The following KICS2 variants were observed in gnomAD, a reference collection of about 807,000 sequenced individuals.
The protein encoded by KICS2 is KICSTOR subunit 2.
A neutral mutation model predicts 31.4 loss-of-function variants in KICS2; 13 were observed. The observed-to-expected ratio is 0.41, with a 90% CI of 0.27 to 0.66. The LOEUF is 0.66. KICS2 is among the 30% of genes least tolerant of loss of function. The pLI is 0.28. For missense variants in KICS2, 455 were observed against 545.4 expected, an observed-to-expected ratio of 0.83 and a Z score of 1.65; for synonymous variants, 209 against 214.8, an observed-to-expected ratio of 0.97 and a Z score of 0.24.
At chr12:64,218,615 G>C (rs1288599949) in intron 1 of KICS2, among the ~76,000 whole-genome samples, 3 of 151,466 alleles carry the variant, frequency 2.0e-5, no homozygotes, top group African/African-American at 4.9e-5. Context: ...AAAAAGAATA[G>C]CTATCTAGTA....
At position 64,194,345 on chromosome 12, in the gene KICS2, G is replaced by A. The variant is rs1234469766; in HGVS notation, c.835C>T (p.Arg279Ter). The change falls in exon 3 of 3, where the codon CGA (arginine) becomes TGA (stop). Residue 279 changes from arginine to a stop codon, truncating the protein, a stop_gained. Transcript: ENST00000398055. LOFTEE classifies it high-confidence loss of function. ...FSFYFHEALS[R>*]QTTASEMKTL... ...TTCATTTCTGAAGCAGTCGTTTGTCGGCTCAGAGCCTCATGAAAGTAAAAG... is the reference window on the plus strand; with the variant it reads ...TTCATTTCTGAAGCAGTCGTTTGTCAGCTCAGAGCCTCATGAAAGTAAAAG... The A allele has an allele frequency of 4.3e-6, 7 of 1,614,156 alleles. No individual in the cohort carries two copies. Among genetic ancestry groups the A allele is most frequent in the East Asian group, 2.2e-5 (1 of 44,888 alleles).
chr12:64,188,871 A>G (rs11175274), downstream of KICS2, among the ~76,000 whole-genome samples: 25,877 of 151,856 alleles, frequency 0.17, 2,413 homozygotes, highest in Non-Finnish European at 0.21. Context: ...TAAATAAATA[A>G]AGGCCAGGCA....
At chr12:64,205,775 G>GAGAA (rs2037533526) in intron 2 of KICS2, among the ~76,000 whole-genome samples, 1 of 39,542 alleles carries the variant, frequency 2.5e-5, no homozygotes. Context: ...GAAGGAAAAA[G>GAGAA]GGAAGGAAGG....
intron 1 of KICS2, among the ~76,000 whole-genome samples, chr12:64,216,180 T>TATGATAATCATAAATACTTA (rs2037628240): frequency 6.6e-6 from 1 of 152,130 alleles, no homozygotes; most frequent in African/African-American, 2.4e-5. Flanking sequence ...ATAAATACTT[T>TATGATAATCATAAATACTTA]GATTCATAAT....
intron 2 of KICS2, among the ~76,000 whole-genome samples, chr12:64,197,664 TA>T (rs2037453543): frequency 6.7e-6 from 1 of 150,038 alleles, no homozygotes; most frequent in Non-Finnish European, 1.5e-5. Context: ...GCAAATTGGA[TA>T]AAGAGTCAAG....
chr12:64,189,108 G>A (rs762282518), downstream of KICS2, among the ~76,000 whole-genome samples: 6 of 152,126 alleles, frequency 3.9e-5, no homozygotes, highest in Non-Finnish European at 7.3e-5. Flanking sequence ...AGCCGAGATC[G>A]TGCCATTGCA....
At chr12:64,205,034 A>C (rs1469314143) in intron 2 of KICS2, 1 of 152,210 alleles carries the variant, frequency 6.6e-6, no homozygotes, top group Non-Finnish European at 1.5e-5. Context: ...ATTAAATATC[A>C]CAATCTTCTA....
At chr12:64,189,096 T>C (rs1288134339), downstream of KICS2, among the ~76,000 whole-genome samples, 10 of 152,106 alleles carry the variant, frequency 6.6e-5, no homozygotes, top group Admixed American at 6.5e-4. Flanking sequence ...GAGGTTGTGG[T>C]GAGCCGAGAT....
intron 1 of KICS2, among the ~76,000 whole-genome samples, 183 bp from the exon 2 acceptor site, chr12:64,216,146 T>TATCAAAAATACTTTATGATA (rs2037627249): frequency 2.8e-5 from 4 of 145,078 alleles, no homozygotes; most frequent in Admixed American, 2.0e-4. Context: ...ACTTTATGAT[T>TATCAAAAATACTTTATGATA]ATCATAAATA....
At position 64,222,259 on chromosome 12, in the gene KICS2, C is replaced by T; in HGVS notation, c.-22G>A. 2 of 1,611,206 alleles carry T rather than the reference C, an allele frequency of 1.2e-6. No individual in the cohort carries two copies. The highest frequency in any genetic ancestry group is 3.4e-5 in the Admixed American group (2 of 59,654). On this transcript the variant is annotated 5_prime_UTR_variant, in exon 1 of 3. Coordinates refer to ENST00000398055, the MANE Select transcript of KICS2 (RefSeq NM_152440.5). ...CCATGCGAGCTGCGCCCCAGCTCGA[C>T]CCACGTGGCTCTCCTCGGCCTCGCA... is the stretch of plus-strand genomic sequence containing the variant.
At position 64,215,698 on chromosome 12, in the gene KICS2, G is replaced by T; in HGVS notation, c.501C>A (p.Ile167=). Residue 167 remains isoleucine, a synonymous_variant, in exon 2 of 3, where the codon ATC becomes ATA. Coordinates refer to ENST00000398055, the MANE Select transcript of KICS2 (RefSeq NM_152440.5). ...AEELVGLLDA[I]MKKYSSRFHH... is the part of the protein sequence containing the mutation. Reference sequence around the variant, plus strand: ...CTGACCTGGAGCTGTATTTTTTCATGATGGCATCCAAAAGGCCAACGAGCT... The same window carrying T: ...CTGACCTGGAGCTGTATTTTTTCATTATGGCATCCAAAAGGCCAACGAGCT... 1.2e-6 allele frequency: 2 copies of T among 1,612,970 alleles called. No homozygotes were observed. The highest frequency in any genetic ancestry group is 1.7e-6 in the Non-Finnish European group (2 of 1,179,784).
chr12:64,206,214 C>T (rs1435455996), intron 2 of KICS2, among the ~76,000 whole-genome samples: 1 of 152,108 alleles, frequency 6.6e-6, no homozygotes, highest in Admixed American at 6.5e-5. Flanking sequence ...GCCACCATGC[C>T]GGGCCAAAAT....
At chr12:64,217,917 G>C (rs1434511113) in intron 1 of KICS2, among the ~76,000 whole-genome samples, 1 of 150,462 alleles carries the variant, frequency 6.6e-6, no homozygotes, top group Non-Finnish European at 1.5e-5. Flanking sequence ...AAGAAGAAAG[G>C]AAGGAAGGAA....
chr12:64,211,225 A>C (rs1465108439), intron 2 of KICS2, among the ~76,000 whole-genome samples: 2 of 152,240 alleles, frequency 1.3e-5, no homozygotes, highest in Admixed American at 6.5e-5. Context: ...TGGAGGAAGA[A>C]ATAAAAGAAT....
intron 2 of KICS2, among the ~76,000 whole-genome samples, chr12:64,204,386 T>A (rs1263770221): frequency 6.6e-6 from 1 of 152,136 alleles, no homozygotes; most frequent in African/African-American, 2.4e-5. Context: ...TAAAAAAATA[T>A]ATAAATACAC....
intron 2 of KICS2, among the ~76,000 whole-genome samples, chr12:64,201,626 A>AC (rs1565716281): frequency 1.4e-5 from 2 of 146,290 alleles, no homozygotes; most frequent in African/African-American, 5.2e-5. Flanking sequence ...AAAGAAAAAA[A>AC]AAAAAAACAA....
intron 2 of KICS2, among the ~76,000 whole-genome samples, chr12:64,196,113 C>A (rs1288542922): frequency 6.6e-6 from 1 of 152,226 alleles, no homozygotes; most frequent in Admixed American, 6.5e-5. Context: ...TCAAGGAGGC[C>A]TGCCTGCCTC....
rs1208832345 is a variant in KICS2 at position 64,196,404 on chromosome 12, G to C, written c.522-1746C>G. ...AGCTGAGGGTCCTGTCTGTTAGAAG[G>C]AAAACTAACAAACAGAAAGGACATC... On this transcript the variant is annotated intron_variant, in intron 2 of 2. Transcript: ENST00000398055. 5.3e-5 allele frequency among the ~76,000 whole-genome samples: 8 copies of C among 150,718 alleles called. No homozygotes were observed. The East Asian group carries it at 1.6e-3, about 30-fold the overall frequency.
chr12:64,211,220 G>A (rs2037579642), intron 2 of KICS2, among the ~76,000 whole-genome samples: 1 of 152,042 alleles, frequency 6.6e-6, no homozygotes, highest in Middle Eastern at 3.2e-3. Context: ...CAGATTGGAG[G>A]AAGAAATAAA....
Sources: allele counts gnomAD v4.1 joint callset (sites outside exome capture counted in the v4.1 genomes callset), GRCh38; gene constraint gnomAD v4.1.1; transcripts MANE v1.5; gene names NCBI Gene and HGNC (gene_info 2026-07-23, HGNC 2026-07-21).